The following CYP4V2 variants were observed in gnomAD, a reference collection of about 807,000 sequenced individuals.
The protein encoded by CYP4V2 is cytochrome P450 family 4 subfamily V member 2.
CYP4V2 carries 55 observed loss-of-function variants against 60.8 expected under a neutral mutation model. That is an observed-to-expected ratio of 0.90 (90% CI 0.73 to 1.13). The LOEUF (loss-of-function observed/expected upper bound fraction) is 1.13. Among genes scored for constraint, CYP4V2 ranks in the 50% most tolerant of loss-of-function variants. The pLI is 0.00. For missense variants in CYP4V2, 675 were observed against 662.9 expected, an observed-to-expected ratio of 1.02 and a Z score of -0.20; for synonymous variants, 239 against 236.8, an observed-to-expected ratio of 1.01 and a Z score of -0.08.
chr4:186,198,028 T>C (rs1355017334), intron 5 of CYP4V2, among the ~76,000 whole-genome samples: 2 of 152,254 alleles, frequency 1.3e-5, no homozygotes, highest in Non-Finnish European at 2.9e-5. Flanking sequence ...TTTGTTGTTA[T>C]TCTTCTTCCC....
rs1736135081 is a variant in CYP4V2, at chr4:186,195,955, G to A, written c.328-48G>A. 4 of 1,340,090 alleles carry A rather than the reference G, an allele frequency of 3.0e-6. No homozygotes were observed. Among genetic ancestry groups the A allele is most frequent in the Non-Finnish European group, 4.3e-6 (4 of 934,236 alleles). 83.0% of individuals were successfully genotyped at this position (1,340,090 alleles called of 1,614,324 possible). On this transcript the variant is annotated intron_variant, in intron 2 of 10. Coordinates refer to ENST00000378802, the MANE Select transcript of CYP4V2 (RefSeq NM_207352.4). The surrounding 1 kb of genome is among the most constrained non-coding windows in gnomAD (Gnocchi z 4.1). ...CCAGTATTCCTATAATTACAGGAAG[G>A]TTGTTTGATGTCTGTATGTCTCTAA...
intron 3 of CYP4V2, chr4:186,196,430 A>G (rs965296553): frequency 5.6e-6 from 2 of 357,824 alleles, no homozygotes; most frequent in African/African-American, 2.1e-5. Context: ...AATCCAATCA[A>G]AAAGATGGTC....
intron 7 of CYP4V2, chr4:186,204,521 T>A (rs996543312): frequency 5.4e-6 from 1 of 184,796 alleles, no homozygotes; most frequent in Non-Finnish European, 1.2e-5. Context: ...TGGGCTCAGC[T>A]GGCTTTGTCA....
At chr4:186,206,160 GC>G (rs1471718974) in intron 8 of CYP4V2, among the ~76,000 whole-genome samples, 1 of 152,124 alleles carries the variant, frequency 6.6e-6, no homozygotes, top group African/African-American at 2.4e-5. Flanking sequence ...TCTCTGCATC[GC>G]CTTCTCTTTT....
At chr4:186,197,438 C>T in intron 4 of CYP4V2, 95 bp from the exon 5 acceptor site, 1 of 1,219,008 alleles carries the variant, frequency 8.2e-7, no homozygotes, top group Non-Finnish European at 1.2e-6. Context: ...AAGGACAAAG[C>T]AGGATGTACG....
chr4:186,204,200 C>G (rs1313229412), intron 7 of CYP4V2: 1 of 173,786 alleles, frequency 5.8e-6, no homozygotes, highest in African/African-American at 2.4e-5. Context: ...GTTACGCTAC[C>G]GCTAAGAGGT....
chr4:186,195,239 G>C lies in CYP4V2; in HGVS notation c.327+627G>C, dbSNP rs1264196336. Among the ~76,000 whole-genome samples the C allele has an allele frequency of 6.6e-6, 1 of 152,256 alleles. No homozygotes were observed. Among genetic ancestry groups the C allele is most frequent in the Non-Finnish European group, 1.5e-5 (1 of 68,050 alleles). On this transcript the variant is annotated intron_variant, in intron 2 of 10. Coordinates refer to ENST00000378802, the MANE Select transcript of CYP4V2 (RefSeq NM_207352.4). This position sits in a 1 kb window ranked among gnomAD's most constrained non-coding sequence, Gnocchi z 4.1. The stretch of plus-strand genomic sequence containing the variant: ...TAAAGACTGAATTTCCTAGGAAGTA[G>C]TGCCAGGACATGTCTTTCTAATTAT...
rs7697077 is a variant in CYP4V2 at position 186,211,005 on chromosome 4, T to A, written c.*364T>A. 7.4e-4 allele frequency: 166 copies of A among 223,574 alleles called. No individual in the cohort carries two copies. The highest frequency in any genetic ancestry group is 1.2e-3 in the Non-Finnish European group (139 of 112,956). 13.8% of individuals were successfully genotyped at this position (223,574 alleles called of 1,614,324 possible). A position where few individuals can be genotyped will look rare whatever the true frequency, so the allele number is the denominator to read the frequency against. On this transcript the variant is annotated 3_prime_UTR_variant, in exon 11 of 11. Coordinates refer to ENST00000378802, the MANE Select transcript of CYP4V2 (RefSeq NM_207352.4). ...GTGCCTGCCACCATGCCTGGCTAAT[T>A]TTTTTGTATTTTTAGTAGAAACAGG...
At position 186,194,621 on chromosome 4, in the gene CYP4V2, A is replaced by G. The variant is rs768629035; in HGVS notation, c.327+9A>G. 2.5e-6 allele frequency: 4 copies of G among 1,598,990 alleles called. No homozygotes were observed. In the South Asian group the frequency reaches 4.4e-5, roughly 18 times the overall value. ...ATGCAGAAAATGTGGAGGTGGGTAC[A>G]TGTGAATATGATCAGTATTGTACTG... On this transcript the variant is annotated intron_variant, in intron 2 of 10. Coordinates refer to ENST00000378802, the MANE Select transcript of CYP4V2 (RefSeq NM_207352.4).
chr4:186,192,073 T>C, intron 1 of CYP4V2, 36 bp downstream of exon 1: 1 of 1,540,768 alleles, frequency 6.5e-7, no homozygotes, highest in Non-Finnish European at 8.7e-7. Context: ...CGCAACGGGG[T>C]CCGCAGCCCC....
chr4:186,209,031 AGGGAAACTTTCTAATGTCTACCT>A (rs1736623065), intron 9 of CYP4V2, 32 bp downstream of exon 9: 1 of 1,613,844 alleles, frequency 6.2e-7, no homozygotes, highest in South Asian at 1.1e-5. Flanking sequence ...TAGAAGGGAG[AGGGAAACTTTCTAATGTCTACCT>A]TGCTCCGGTC....
chr4:186,199,659 A>G (rs1561433222), intron 6 of CYP4V2, among the ~76,000 whole-genome samples: 1 of 152,342 alleles, frequency 6.6e-6, no homozygotes, highest in Middle Eastern at 3.4e-3. Context: ...GGCAGAGGGC[A>G]TTGATAGCAG....
rs958250350 is a variant in CYP4V2, at chr4:186,191,665, G to A, written c.-159G>A. ...GTGGCGCCCTCTCTGGCCGCCGCCC[G>A]GGCGGGAAACGTCGTTCCGGGGACC... On this transcript the variant is annotated 5_prime_UTR_variant, in exon 1 of 11. Coordinates refer to ENST00000378802, the MANE Select transcript of CYP4V2 (RefSeq NM_207352.4). The A allele has an allele frequency of 1.6e-6, 1 of 620,256 alleles. No homozygotes were observed. Among genetic ancestry groups the A allele is most frequent in the Non-Finnish European group, 2.3e-6 (1 of 440,258 alleles). 38.4% of individuals were successfully genotyped at this position (620,256 alleles called of 1,614,324 possible). A position where few individuals can be genotyped will look rare whatever the true frequency, so the allele number is the denominator to read the frequency against.
chr4:186,194,155 G>T (rs992377442), intron 1 of CYP4V2, among the ~76,000 whole-genome samples: 7 of 152,166 alleles, frequency 4.6e-5, no homozygotes, highest in Non-Finnish European at 1.0e-4. Flanking sequence ...AGTCTCGCTC[G>T]GTACAAGCCA....
intron 8 of CYP4V2, 43 bp from the exon 9 acceptor site, chr4:186,208,822 C>T: frequency 6.2e-7 from 1 of 1,614,088 alleles, no homozygotes; most frequent in African/African-American, 1.3e-5. Flanking sequence ...ACCCCCAGCC[C>T]CCACTGCTCT....
rs1736700096 is a variant in CYP4V2 at position 186,210,939 on chromosome 4, C to G, written c.*298C>G. ...GCAACCTCCACCTCCCAGGTTCAAG[C>G]AATTCTTCTGCCTCAGCCTCCCAAG... On this transcript the variant is annotated 3_prime_UTR_variant, in exon 11 of 11. Transcript: ENST00000378802. 1 of 282,528 alleles carries G rather than the reference C, an allele frequency of 3.5e-6. No individual in the cohort carries two copies. The highest frequency in any genetic ancestry group is 6.7e-6 in the Non-Finnish European group (1 of 148,804). 17.5% of individuals were successfully genotyped at this position (282,528 alleles called of 1,614,324 possible).
chr4:186,195,616 C>T lies in CYP4V2; in HGVS notation c.328-387C>T, dbSNP rs1474965921. Among the ~76,000 whole-genome samples, 1 of 152,294 alleles carries T rather than the reference C, an allele frequency of 6.6e-6. No homozygotes were observed. Among genetic ancestry groups the T allele is most frequent in the South Asian group, 2.1e-4 (1 of 4,828 alleles). On this transcript the variant is annotated intron_variant, in intron 2 of 10. Transcript: ENST00000378802. The surrounding 1 kb of genome is among the most constrained non-coding windows in gnomAD (Gnocchi z 4.1). ...CTTTCAGACCACAGCAACCTGAAGG[C>T]CTCAAAGTTACCATCACCTGAAAAT... is the stretch of plus-strand genomic sequence containing the variant.
chr4:186,210,550 G>A lies in CYP4V2; in HGVS notation c.1487G>A (p.Arg496Lys), dbSNP rs770843894. Residue 496 changes from arginine to lysine, a missense_variant, in exon 11 of 11, where the codon AGA becomes AAA. Coordinates refer to ENST00000378802, the MANE Select transcript of CYP4V2 (RefSeq NM_207352.4). Reference sequence around the variant, plus strand: ...TTTTGGATAGAATCCAACCAGAAAAGAGAAGAGCTTGGTCTAGAAGGACAG... The same window carrying A: ...TTTTGGATAGAATCCAACCAGAAAAAAGAAGAGCTTGGTCTAGAAGGACAG... ...RHFWIESNQK[R>K]EELGLEGQLI... 3.7e-6 allele frequency: 6 copies of A among 1,614,170 alleles called. No individual in the cohort carries two copies. Among genetic ancestry groups the A allele is most frequent in the Non-Finnish European group, 5.1e-6 (6 of 1,180,022 alleles).
chr4:186,205,122 T>C (rs1448058961), intron 7 of CYP4V2, 78 bp from the exon 8 acceptor site: 1 of 1,347,042 alleles, frequency 7.4e-7, no homozygotes, highest in Non-Finnish European at 1.1e-6. Flanking sequence ...CCAGAGACAA[T>C]TCAAAAGAGG....
Sources: gnomAD v4.1 joint callset for allele counts (sites outside exome capture counted in the v4.1 genomes callset) on GRCh38, gnomAD v4.1.1 for gene constraint, Gnocchi (gnomAD v3.1) non-coding constraint, MANE v1.5 for transcripts, NCBI Gene and HGNC (gene_info 2026-07-23, HGNC 2026-07-21) for gene names.